PGM3: variants seen among roughly 807,000 people sequenced by gnomAD.
The protein encoded by PGM3 is phosphoacetylglucosamine mutase.
Under a neutral mutation model 66.2 loss-of-function variants are expected in PGM3, and 40 were observed. That is an observed-to-expected ratio of 0.60 (90% CI 0.47 to 0.79). PGM3 has a LOEUF of 0.79. PGM3 is among the 30% of genes least tolerant of loss of function. The pLI, the probability that PGM3 is intolerant of heterozygous loss-of-function variation, is 0.00. For missense variants in PGM3, 537 were observed against 643.4 expected, an observed-to-expected ratio of 0.83 and a Z score of 1.79; for synonymous variants, 191 against 224.2, an observed-to-expected ratio of 0.85 and a Z score of 1.32.
downstream of PGM3, among the ~76,000 whole-genome samples, chr6:83,160,258 G>A (rs1262442115): frequency 6.6e-6 from 1 of 152,192 alleles, no homozygotes; most frequent in Non-Finnish European, 1.5e-5. Context: ...TCATGCACAA[G>A]ACACACTGAG....
downstream of PGM3, among the ~76,000 whole-genome samples, chr6:83,162,534 G>A (rs561389318): frequency 1.3e-3 from 202 of 152,224 alleles, 2 homozygotes; most frequent in African/African-American, 4.7e-3. Flanking sequence ...CATGAAAAAA[G>A]TAATGATGAG....
rs762473433 is a variant in PGM3, at chr6:83,191,241, T to C, written c.-2-227A>G. ...CACTCCTGGGCAGACTCAGGGCAGATAGCAGATTGTCCCCACTCTCCTCCC... is the reference window on the plus strand; with the variant it reads ...CACTCCTGGGCAGACTCAGGGCAGACAGCAGATTGTCCCCACTCTCCTCCC... On this transcript the variant is annotated intron_variant, in intron 1 of 12. Coordinates refer to ENST00000513973, the MANE Select transcript of PGM3 (RefSeq NM_015599.3). 6 of 1,535,368 alleles carry C rather than the reference T, an allele frequency of 3.9e-6. No homozygotes were observed. The highest frequency in any genetic ancestry group is 2.4e-5 in the South Asian group (2 of 84,056).
Position 83,168,745 on chromosome 6 carries a change from T to C in PGM3, c.*489A>G. On this transcript the variant is annotated 3_prime_UTR_variant, in exon 13 of 13. Transcript: ENST00000513973. Reference sequence around the variant, plus strand: ...TCATACCTCTGAGTTCCTGATGGCATTAGTCATATAGGTAAGTCATCTAAT... The same window carrying C: ...TCATACCTCTGAGTTCCTGATGGCACTAGTCATATAGGTAAGTCATCTAAT... 1 of 998,722 alleles carries C rather than the reference T, an allele frequency of 1.0e-6. No homozygotes were observed. Among genetic ancestry groups the C allele is most frequent in the Non-Finnish European group, 1.2e-6 (1 of 837,360 alleles). The allele number at this position is 998,722 out of a possible 1,614,324, so 61.9% of individuals were successfully genotyped here. A position where few individuals can be genotyped will look rare whatever the true frequency, so the allele number is the denominator to read the frequency against.
downstream of PGM3, chr6:83,157,388 AC>A: frequency 6.7e-7 from 1 of 1,500,572 alleles, no homozygotes; most frequent in Non-Finnish European, 9.2e-7. Context: ...CCATGTGCTT[AC>A]TAGATATTAA....
chr6:83,191,413 A>G, intron 1 of PGM3: 2 of 616,602 alleles, frequency 3.2e-6, no homozygotes, highest in East Asian at 5.5e-5. Flanking sequence ...CTAAATTAAC[A>G]TAGATAGCTG....
chr6:83,179,149 A>G (rs1212731615), intron 7 of PGM3, among the ~76,000 whole-genome samples: 1 of 151,994 alleles, frequency 6.6e-6, no homozygotes, highest in East Asian at 1.9e-4. Context: ...CATCTCTACT[A>G]AAAGTACAAA....
At chr6:83,153,432 TAACA>T in the PGM3 span, 1,691 of 879,474 alleles carry the variant, frequency 1.9e-3, 12 homozygotes, top group Middle Eastern at 1.5e-3. Context: ...CTAGGTTTTC[TAACA>T]AACTGAAAAT....
chr6:83,169,656 C>T lies in PGM3; in HGVS notation c.1540-333G>A, dbSNP rs1241188653. 1.1e-5 allele frequency: 5 copies of T among 468,848 alleles called. No homozygotes were observed. In the East Asian group the frequency reaches 2.6e-4, roughly 24 times the overall value. The allele number at this position is 468,848 out of a possible 1,614,324, so 29.0% of individuals were successfully genotyped here. ...TAAGTACTAATGCCTCTGTTGCCAT[C>T]TCCTCATCCATCATGGATATTCATT... On this transcript the variant is annotated intron_variant, in intron 12 of 12. Transcript: ENST00000513973.
chr6:83,168,986 G>A lies in PGM3; in HGVS notation c.*248C>T, dbSNP rs576875553. 5.9e-4 allele frequency: 748 copies of A among 1,272,420 alleles called. No individual in the cohort carries two copies. The highest frequency in any genetic ancestry group is 6.9e-4 in the Non-Finnish European group (690 of 1,003,368). The allele number at this position is 1,272,420 out of a possible 1,614,324, so 78.8% of individuals were successfully genotyped here. ...AAACTGTACAGTTAGTGACTGAATTGTATACTTAAGTCCCAGTATTTTACA... is the reference window on the plus strand; with the variant it reads ...AAACTGTACAGTTAGTGACTGAATTATATACTTAAGTCCCAGTATTTTACA... On this transcript the variant is annotated 3_prime_UTR_variant, in exon 13 of 13. Transcript: ENST00000513973.
downstream of PGM3, chr6:83,162,660 C>T (rs956378742): frequency 3.6e-5 from 36 of 1,002,074 alleles, no homozygotes; most frequent in Non-Finnish European, 5.1e-5. Context: ...GACAAGGCTA[C>T]GAGTGGCACA....
intron 2 of PGM3, chr6:83,190,565 G>T: frequency 2.0e-6 from 1 of 495,088 alleles, no homozygotes; most frequent in Non-Finnish European, 3.6e-6. Context: ...GAAGGACATT[G>T]TTATTTCTCT....
chr6:83,154,258 G>T, the PGM3 span: 2 of 1,607,006 alleles, frequency 1.2e-6, no homozygotes, highest in South Asian at 2.2e-5. Flanking sequence ...ATTACGGGAT[G>T]ACAATCCAAG....
chr6:83,177,612 TA>T (rs1435330998), intron 8 of PGM3, among the ~76,000 whole-genome samples: 1 of 152,208 alleles, frequency 6.6e-6, no homozygotes, highest in Non-Finnish European at 1.5e-5. Flanking sequence ...AAAAGATGGC[TA>T]ATGACAAAAA....
chr6:83,169,939 G>A (rs1786742493), intron 12 of PGM3: 8 of 387,588 alleles, frequency 2.1e-5, no homozygotes, highest in Non-Finnish European at 4.0e-5. Flanking sequence ...ACTTAGAAAT[G>A]AACTACAAAG....
At position 83,174,458 on chromosome 6, in the gene PGM3, CTTCAT is replaced by C; in HGVS notation, c.1153_1157del (p.Met385AspfsTer11). ...CCAGTTGTTCTGCTGATTGTTTTATCTTCATTTCAACAGCTGTACTAAACAGTGCC... is the reference window on the plus strand; with the variant it reads ...CCAGTTGTTCTGCTGATTGTTTTATCTTCAACAGCTGTACTAAACAGTGCC... On this transcript the variant is annotated frameshift_variant, in exon 10 of 13. Transcript: ENST00000513973. LOFTEE classifies it high-confidence loss of function. The C allele has an allele frequency of 1.2e-6, 2 of 1,601,910 alleles. No homozygotes were observed. Among genetic ancestry groups the C allele is most frequent in the Non-Finnish European group, 1.7e-6 (2 of 1,172,216 alleles).
chr6:83,160,756 C>G (rs2128412231), downstream of PGM3, among the ~76,000 whole-genome samples: 1 of 152,170 alleles, frequency 6.6e-6, no homozygotes, highest in South Asian at 2.1e-4. Context: ...TCCACAAGAT[C>G]AAATATGTAT....
chr6:83,151,005 C>T, the PGM3 span, among the ~76,000 whole-genome samples: 12 of 152,274 alleles, frequency 7.9e-5, no homozygotes, highest in South Asian at 2.1e-3. Flanking sequence ...TATTCTAACA[C>T]CACAGATGGA....
At chr6:83,154,945 T>G in the PGM3 span, among the ~76,000 whole-genome samples, 3 of 152,236 alleles carry the variant, frequency 2.0e-5, no homozygotes, top group Non-Finnish European at 4.4e-5. Flanking sequence ...TTCATAAGGT[T>G]GTTTTAAGGT....
chr6:83,188,572 T>G, intron 3 of PGM3, 42 bp downstream of exon 3: 1 of 1,458,460 alleles, frequency 6.9e-7, no homozygotes, highest in Non-Finnish European at 9.4e-7. Flanking sequence ...TTATATCACG[T>G]TCCCAAAGGT....
Sources: gnomAD v4.1 joint callset for allele counts (sites outside exome capture counted in the v4.1 genomes callset) on GRCh38, gnomAD v4.1.1 for gene constraint, MANE v1.5 for transcripts, NCBI Gene and HGNC (gene_info 2026-07-23, HGNC 2026-07-21) for gene names.